Variants in CLASP1 observed in about 807,000 individuals in gnomAD.
CLASP1 encodes cytoplasmic linker associated protein 1, also known as CLIP-associating protein 1.
A neutral mutation model predicts 192.3 loss-of-function variants in CLASP1; 38 were observed. The observed-to-expected ratio is 0.20, with a 90% CI of 0.15 to 0.26. The LOEUF (loss-of-function observed/expected upper bound fraction) is 0.26, where lower values mean the gene tolerates loss of function less well. Among genes scored for constraint, CLASP1 ranks in the 10% least tolerant of loss-of-function variants. CLASP1 has a pLI of 1.00. For synonymous variants in CLASP1, 691 were observed against 712.8 expected (o/e 0.97, Z 0.49); for missense variants, 1,433 against 1,932.5 (o/e 0.74, Z 4.85).
chr2:121,555,455 G>T (rs144573693), intron 2 of CLASP1, among the ~76,000 whole-genome samples: 26 of 152,252 alleles, frequency 1.7e-4, no homozygotes, highest in African/African-American at 5.5e-4. Context: ...CCAGAAGATA[G>T]GTTTTTATTC....
intron 29 of CLASP1, among the ~76,000 whole-genome samples, chr2:121,397,884 T>G (rs1056401016): frequency 3.3e-5 from 5 of 152,238 alleles, no homozygotes; most frequent in Non-Finnish European, 5.9e-5. Flanking sequence ...ACAGGTATGA[T>G]TTTCCACAAC....
At chr2:121,473,688 C>A (rs1045317217) in intron 8 of CLASP1, among the ~76,000 whole-genome samples, 7 of 152,170 alleles carry the variant, frequency 4.6e-5, no homozygotes, top group African/African-American at 1.7e-4. Flanking sequence ...CATAATCAAA[C>A]TGCTTAAACC....
chr2:121,478,723 CACACA>C, intron 8 of CLASP1, among the ~76,000 whole-genome samples: 1 of 98,834 alleles, frequency 1.0e-5, no homozygotes, highest in Non-Finnish European at 2.1e-5. Flanking sequence ...CACAACCACA[CACACA>C]CCACACACAC....
intron 1 of CLASP1, among the ~76,000 whole-genome samples, chr2:121,616,529 G>A (rs2066492115): frequency 6.6e-6 from 1 of 152,146 alleles, no homozygotes; most frequent in Non-Finnish European, 1.5e-5. Context: ...AGCCAGTTCT[G>A]GAAGAAGGTA....
At chr2:121,539,482 C>A (rs1575803836) in intron 2 of CLASP1, among the ~76,000 whole-genome samples, 2 of 152,264 alleles carry the variant, frequency 1.3e-5, no homozygotes, top group East Asian at 3.9e-4. Context: ...TCACACCCTG[C>A]ACAAAAATGA....
At chr2:121,381,132 C>T (rs1195534949) in intron 33 of CLASP1, among the ~76,000 whole-genome samples, 1 of 152,144 alleles carries the variant, frequency 6.6e-6, no homozygotes, top group Non-Finnish European at 1.5e-5. Context: ...GCAGGGTTCT[C>T]TGTACATTTT....
At chr2:121,615,378 A>G (rs2066281874) in intron 1 of CLASP1, among the ~76,000 whole-genome samples, 1 of 152,180 alleles carries the variant, frequency 6.6e-6, no homozygotes, top group East Asian at 1.9e-4. Context: ...CACTTAAGGA[A>G]AAACAGCATA....
exon 40 of CLASP1, chr2:121,340,230 C>G (rs75997861): frequency 6.6e-6 from 1 of 152,346 alleles, no homozygotes; most frequent in Non-Finnish European, 1.5e-5. Context: ...AGGGTGCACT[C>G]CCAATTCTAC....
intron 8 of CLASP1, among the ~76,000 whole-genome samples, chr2:121,495,115 G>A (rs1469280879): frequency 6.6e-6 from 1 of 152,104 alleles, no homozygotes; most frequent in African/African-American, 2.4e-5. Flanking sequence ...AAGGTCAGGA[G>A]ATAGAGACCA....
chr2:121,519,569 C>T (rs2094409319), intron 6 of CLASP1, among the ~76,000 whole-genome samples: 2 of 152,244 alleles, frequency 1.3e-5, no homozygotes, highest in Non-Finnish European at 1.5e-5. Context: ...TCTGCAGGCA[C>T]AAGCATACAC....
chr2:121,372,040 TAAG>T (rs1425603852), intron 34 of CLASP1, among the ~76,000 whole-genome samples: 1 of 152,232 alleles, frequency 6.6e-6, no homozygotes, highest in African/African-American at 2.4e-5. Context: ...AAAGTTTATT[TAAG>T]AAGAAAAACA....
chr2:121,447,673 T>G (rs1029881558), intron 18 of CLASP1, among the ~76,000 whole-genome samples, 166 bp from the exon 19 acceptor site: 1 of 152,224 alleles, frequency 6.6e-6, no homozygotes, highest in African/African-American at 2.4e-5. Context: ...TGAAGAGAGT[T>G]CAGGCAATGC....
intron 1 of CLASP1, among the ~76,000 whole-genome samples, chr2:121,629,144 A>C (rs1237975113): frequency 1.3e-5 from 2 of 152,146 alleles, no homozygotes; most frequent in African/African-American, 2.4e-5. Flanking sequence ...TAATCCCAGC[A>C]CTTTGGGAGG....
intron 37 of CLASP1, among the ~76,000 whole-genome samples, chr2:121,356,159 G>A (rs926442231): frequency 6.6e-6 from 1 of 151,968 alleles, no homozygotes; most frequent in East Asian, 1.9e-4. Flanking sequence ...AAAAAGCAAA[G>A]GTCCAGGAAC....
chr2:121,523,970 A>G (rs1363239817), intron 6 of CLASP1, among the ~76,000 whole-genome samples: 1 of 152,218 alleles, frequency 6.6e-6, no homozygotes, highest in Non-Finnish European at 1.5e-5. Flanking sequence ...ACAGCCATGC[A>G]GTGCTCCCCT....
intron 30 of CLASP1, 128 bp downstream of exon 31, chr2:121,397,012 G>A: frequency 1.2e-6 from 1 of 825,024 alleles, no homozygotes; most frequent in Non-Finnish European, 1.9e-6. Flanking sequence ...AGAGAGAAAA[G>A]GGCAACAGCA....
chr2:121,527,564 T>A (rs2094604675), intron 5 of CLASP1, among the ~76,000 whole-genome samples: 1 of 152,158 alleles, frequency 6.6e-6, no homozygotes, highest in Non-Finnish European at 1.5e-5. Flanking sequence ...AATGCACATG[T>A]GGTTTTACCT....
At chr2:121,411,450 CTA>C (rs1211595327) in intron 23 of CLASP1, among the ~76,000 whole-genome samples, 14 of 152,126 alleles carry the variant, frequency 9.2e-5, no homozygotes, top group African/African-American at 2.4e-4. Context: ...TTCTGTTTAA[CTA>C]TTGTTAAGCT....
At chr2:121,470,566 G>A (rs2090528997) in intron 8 of CLASP1, 1 of 402,036 alleles carries the variant, frequency 2.5e-6, no homozygotes, top group Non-Finnish European at 4.8e-6. Context: ...AATGGTACAA[G>A]TGAAACACTC....
Sources: gnomAD v4.1 joint callset for allele counts (sites outside exome capture counted in the v4.1 genomes callset) on GRCh38, gnomAD v4.1.1 for gene constraint, MANE v1.5 for transcripts, NCBI Gene and HGNC (gene_info 2026-07-23, HGNC 2026-07-21) for gene names.